Variants in ZNF880 observed in about 807,000 individuals in gnomAD.
The protein encoded by ZNF880 is zinc finger protein LOC400713.
ZNF880 carries 12 observed loss-of-function variants against 11.8 expected under a neutral mutation model. The observed-to-expected ratio is 1.02, with a 90% CI of 0.65 to 1.65. The LOEUF is 1.65. Among genes scored for constraint, ZNF880 ranks in the 40% most tolerant of loss-of-function variants. The pLI is 0.00. For missense variants in ZNF880, 601 were observed against 673.9 expected, an observed-to-expected ratio of 0.89 and a Z score of 1.20; for synonymous variants, 210 against 232.4, an observed-to-expected ratio of 0.90 and a Z score of 0.88.
chr19:52,371,305 TTGTC>T (rs1426669962), intron 1 of ZNF880, among the ~76,000 whole-genome samples: 2 of 152,128 alleles, frequency 1.3e-5, no homozygotes, highest in Non-Finnish European at 2.9e-5. Context: ...AGTTAGGTCA[TTGTC>T]TGTCAATTTA....
At position 52,384,150 on chromosome 19, in the gene ZNF880, C is replaced by T. The variant is rs776268591; in HGVS notation, c.570C>T (p.Gly190=). 5.0e-6 allele frequency: 8 copies of T among 1,606,464 alleles called. No homozygotes were observed. In the South Asian group the frequency reaches 8.9e-5, roughly 18 times the overall value. The change falls in exon 4 of 4, where the codon GGC becomes GGT. Residue 190 remains glycine, a synonymous_variant. Coordinates refer to ENST00000422689, the MANE Select transcript of ZNF880 (RefSeq NM_001145434.2). ...REKPCECNEH[G]KAFRVSSRLA... The stretch of plus-strand genomic sequence containing the variant: ...AACCGTGTGAATGTAATGAGCATGG[C>T]AAAGCCTTTAGAGTGTCTTCAAGAC...
chr19:52,390,939 AAAAAC>A, the ZNF880 span: 1 of 153,196 alleles, frequency 6.5e-6, no homozygotes. Flanking sequence ...TCAAAAAACA[AAAAAC>A]AAAACAAAAC....
intron 1 of ZNF880, among the ~76,000 whole-genome samples, chr19:52,371,126 CTT>C (rs1030557969): frequency 6.6e-6 from 1 of 152,110 alleles, no homozygotes; most frequent in Non-Finnish European, 1.5e-5. Flanking sequence ...TTATATACGT[CTT>C]ATATCTTTTA....
At position 52,384,092 on chromosome 19, in the gene ZNF880, TC is replaced by T; in HGVS notation, c.515del (p.Pro172HisfsTer8). The stretch of plus-strand genomic sequence containing the variant: ...AATGATTTTGATGATTCTCCATTTC[TC>T]CCACAAGAACAAAAAGCACAAATAA... ...YRNDFDDSPFLPQEQKAQIRE... is the reference protein window; with the variant it reads ...YRNDFDDSPFXPQEQKAQIRE... On this transcript the variant is annotated frameshift_variant, in exon 4 of 4. Transcript: ENST00000422689. LOFTEE classifies it low-confidence loss of function (END_TRUNC). 6.3e-7 allele frequency: 1 copy of T among 1,590,964 alleles called. No homozygotes were observed. Among genetic ancestry groups the T allele is most frequent in the Admixed American group, 1.8e-5 (1 of 55,242 alleles).
downstream of ZNF880, among the ~76,000 whole-genome samples, chr19:52,387,898 CTTT>C (rs71180454): frequency 3.1e-4 from 27 of 85,956 alleles, 2 homozygotes; most frequent in East Asian, 2.3e-3. Context: ...CATAAATTTT[CTTT>C]TTTTTTTTTT....
rs1986821420 is a variant in ZNF880, at chr19:52,384,757, T to G, written c.1177T>G (p.Phe393Val). Residue 393 changes from phenylalanine (F) to valine (V), a missense_variant, in exon 4 of 4, where the codon TTT becomes GTT. Transcript: ENST00000422689. ...ATGTGGCAAGGTCTTCAGGCACAAGTTTTGTCTAACCAATCATCATAGAAT... is the reference window on the plus strand; with the variant it reads ...ATGTGGCAAGGTCTTCAGGCACAAGGTTTGTCTAACCAATCATCATAGAAT... ...KECGKVFRHK[F>V]CLTNHHRMHT... 4.8e-6 allele frequency: 5 copies of G among 1,047,498 alleles called. No homozygotes were observed. The highest frequency in any genetic ancestry group is 6.2e-6 in the Non-Finnish European group (5 of 812,976). 64.9% of individuals were successfully genotyped at this position (1,047,498 alleles called of 1,614,324 possible).
chr19:52,383,078 A>AT lies in ZNF880; in HGVS notation c.269-770dup, dbSNP rs571101262. ...GTCTGCTGTTGAATCCCTTAGTGAA[A>AT]TATTACTTCAGTTATCATATTTAAG... On this transcript the variant is annotated intron_variant, in intron 3 of 3. Transcript: ENST00000422689. Among the ~76,000 whole-genome samples the AT allele has an allele frequency of 5.8e-4, 89 of 152,152 alleles. No individual in the cohort carries two copies. In the South Asian group the frequency reaches 0.011, roughly 18 times the overall value.
chr19:52,381,821 AAC>A (rs1393920566), intron 3 of ZNF880, among the ~76,000 whole-genome samples: 1 of 134,764 alleles, frequency 7.4e-6, no homozygotes, highest in Non-Finnish European at 1.7e-5. Flanking sequence ...TTTAAATATT[AAC>A]AGTGTAACTT....
At chr19:52,390,937 C>G in the ZNF880 span, 3 of 152,722 alleles carry the variant, frequency 2.0e-5, no homozygotes, top group African/African-American at 7.3e-5. Flanking sequence ...TCTCAAAAAA[C>G]AAAAAACAAA....
chr19:52,375,309 C>T (rs560211222), intron 3 of ZNF880, among the ~76,000 whole-genome samples: 1 of 151,778 alleles, frequency 6.6e-6, no homozygotes, highest in Non-Finnish European at 1.5e-5. Flanking sequence ...GCTTCAGGCT[C>T]CCAAGTAGCT....
intron 3 of ZNF880, among the ~76,000 whole-genome samples, chr19:52,375,540 G>A (rs1667005034): frequency 6.6e-6 from 1 of 151,984 alleles, no homozygotes. Flanking sequence ...GGAACAAGTG[G>A]CATTTGGTTA....
Position 52,385,150 on chromosome 19 carries a change from G to T in ZNF880, c.1570G>T (p.Glu524Ter), listed in dbSNP as rs1439447583. ...TGGAGAGAAGTCTTACAAATGCAAT[G>T]AATGTGGCAAGGTCTTCAGCCACAA... is the stretch of plus-strand genomic sequence containing the variant. The part of the protein sequence containing the change: ...HTGEKSYKCN[E>*]CGKVFSHKLY... The change falls in exon 4 of 4, where the codon GAA becomes TAA. Residue 524 changes from glutamate (E) to a stop codon, truncating the protein, a stop_gained. Coordinates refer to ENST00000422689, the MANE Select transcript of ZNF880 (RefSeq NM_001145434.2). LOFTEE classifies it low-confidence loss of function (END_TRUNC). The T allele has an allele frequency of 6.4e-7, 1 of 1,556,108 alleles. No homozygotes were observed. The highest frequency in any genetic ancestry group is 1.2e-5 in the South Asian group (1 of 84,438).
chr19:52,374,560 C>A, intron 3 of ZNF880, 133 bp downstream of exon 3: 1 of 1,101,308 alleles, frequency 9.1e-7, no homozygotes, highest in Non-Finnish European at 1.4e-6. Context: ...TAGCCTCAAA[C>A]TCCTGGTCTC....
At chr19:52,387,224 C>T (rs1361808541), downstream of ZNF880, among the ~76,000 whole-genome samples, 1 of 143,866 alleles carries the variant, frequency 7.0e-6, no homozygotes, top group Non-Finnish European at 1.5e-5. Flanking sequence ...TGTGTGAAAT[C>T]AACATATGCA....
the ZNF880 span, among the ~76,000 whole-genome samples, chr19:52,393,851 T>G: frequency 2.0e-5 from 3 of 147,540 alleles, no homozygotes; most frequent in Admixed American, 2.1e-4. Flanking sequence ...TTTTTTTTTT[T>G]TTTGAGACGG....
the ZNF880 span, chr19:52,391,549 A>AG: frequency 2.0e-5 from 3 of 152,086 alleles, no homozygotes; most frequent in Middle Eastern, 3.4e-3. Flanking sequence ...TGAGAATGAG[A>AG]GGTAGGTAGA....
intron 3 of ZNF880, among the ~76,000 whole-genome samples, chr19:52,380,564 G>A (rs1002163507): frequency 3.3e-5 from 5 of 151,714 alleles, no homozygotes; most frequent in South Asian, 2.1e-4. Context: ...ACATCTTATC[G>A]GAGGTTTGAT....
At chr19:52,378,063 T>G (rs948116305) in intron 3 of ZNF880, among the ~76,000 whole-genome samples, 12 of 152,112 alleles carry the variant, frequency 7.9e-5, no homozygotes, top group Non-Finnish European at 1.6e-4. Flanking sequence ...GGCTGACACT[T>G]TCATGCTTGT....
intron 3 of ZNF880, among the ~76,000 whole-genome samples, chr19:52,378,776 T>G: frequency 6.6e-6 from 1 of 152,042 alleles, no homozygotes. Context: ...GGCCTTTCCA[T>G]GTATTAGAAA....
Sources: allele counts gnomAD v4.1 joint callset (sites outside exome capture counted in the v4.1 genomes callset), GRCh38; gene constraint gnomAD v4.1.1; transcripts MANE v1.5; gene names NCBI Gene and HGNC (gene_info 2026-07-23, HGNC 2026-07-21).